Variants in HBS1L observed in about 807,000 individuals in gnomAD.
HBS1L encodes the protein HBS1-like protein.
Under a neutral mutation model 88.9 loss-of-function variants are expected in HBS1L, and 55 were observed. That is an observed-to-expected ratio of 0.62 (90% CI 0.50 to 0.77). HBS1L has a LOEUF of 0.77. Among genes scored for constraint, HBS1L ranks in the 30% least tolerant of loss-of-function variants. The probability of loss-of-function intolerance (pLI) is 0.00; values close to 1 mark genes in which losing one functional copy is unlikely to be tolerated. For synonymous variants in HBS1L, 267 were observed against 288.5 expected (o/e 0.93, Z 0.76); for missense variants, 741 against 829.3 (o/e 0.89, Z 1.31).
chr6:135,033,977 G>A (rs534978183), intron 4 of HBS1L, among the ~76,000 whole-genome samples: 2 of 152,226 alleles, frequency 1.3e-5, no homozygotes, highest in South Asian at 4.2e-4. Context: ...CAAGGTTCAA[G>A]ACCAGAAAAA....
chr6:135,052,396 G>A (rs9373122), intron 1 of HBS1L, among the ~76,000 whole-genome samples: 76,334 of 151,590 alleles, frequency 0.5, 19,297 homozygotes, highest in South Asian at 0.56. Context: ...CAACACAGCC[G>A]GATGCTGTCT....
intron 4 of HBS1L, among the ~76,000 whole-genome samples, chr6:135,033,738 T>A (rs1275559788): frequency 6.6e-6 from 1 of 152,210 alleles, no homozygotes; most frequent in Non-Finnish European, 1.5e-5. Context: ...AATTACTTTG[T>A]TATAAAAGAA....
intron 12 of HBS1L, 35 bp from the exon 13 acceptor site, chr6:134,982,597 G>A: frequency 8.1e-7 from 1 of 1,227,190 alleles, no homozygotes; most frequent in Non-Finnish European, 1.2e-6. Context: ...GGTTCATACA[G>A]CAATGTTATC....
intron 15 of HBS1L, among the ~76,000 whole-genome samples, chr6:134,972,125 A>T (rs527814908): frequency 1.3e-3 from 203 of 152,256 alleles, no homozygotes; most frequent in African/African-American, 4.6e-3. Flanking sequence ...GAATTCTAAA[A>T]CCATTGCTCT....
At chr6:135,009,077 T>A (rs990721738) in intron 4 of HBS1L, among the ~76,000 whole-genome samples, 4 of 152,170 alleles carry the variant, frequency 2.6e-5, no homozygotes, top group African/African-American at 9.7e-5. Context: ...AACATGGCAC[T>A]CTCATATGCT....
chr6:135,001,482 CCT>C (rs71724938), intron 5 of HBS1L, among the ~76,000 whole-genome samples: 6,395 of 151,024 alleles, frequency 0.042, 190 homozygotes, highest in African/African-American at 0.08. Flanking sequence ...TTATTTCCCC[CCT>C]CTCTCTCTCT....
intron 13 of HBS1L, among the ~76,000 whole-genome samples, chr6:134,982,001 C>T (rs536041703): frequency 6.6e-6 from 1 of 151,996 alleles, no homozygotes; most frequent in Non-Finnish European, 1.5e-5. Flanking sequence ...AATATACCTA[C>T]ATTTTTGGCA....
intron 4 of HBS1L, among the ~76,000 whole-genome samples, chr6:135,027,360 A>G (rs1247861024): frequency 6.6e-6 from 1 of 152,092 alleles, no homozygotes; most frequent in Non-Finnish European, 1.5e-5. Flanking sequence ...ACACTCTGAT[A>G]AACAGTATAA....
chr6:135,009,239 A>AAT (rs1454628286), intron 4 of HBS1L, among the ~76,000 whole-genome samples: 4 of 152,214 alleles, frequency 2.6e-5, no homozygotes, highest in Admixed American at 6.5e-5. Context: ...GCTAAATTAA[A>AAT]ATATATATAT....
chr6:134,996,414 T>C (rs1775289957), intron 7 of HBS1L, among the ~76,000 whole-genome samples: 1 of 152,192 alleles, frequency 6.6e-6, no homozygotes, highest in South Asian at 2.1e-4. Flanking sequence ...TGACATGAAA[T>C]TAAAAGTCTT....
intron 8 of HBS1L, among the ~76,000 whole-genome samples, chr6:134,992,939 C>T (rs1287754582): frequency 2.0e-5 from 3 of 152,138 alleles, no homozygotes; most frequent in African/African-American, 7.2e-5. Flanking sequence ...ATGGTAAGTG[C>T]CCTATACAGG....
chr6:135,014,878 C>G (rs937519840), intron 4 of HBS1L, among the ~76,000 whole-genome samples: 1 of 130,566 alleles, frequency 7.7e-6, no homozygotes, highest in Admixed American at 7.6e-5. Context: ...AAAAAAACCA[C>G]AAAAAAATTA....
At position 134,965,151 on chromosome 6, in the gene HBS1L, CTTTAA is replaced by C. The variant is rs990937384; in HGVS notation, c.*123_*127del. ...AATACTTCTTTGCAGCTAATTTTAGCTTTAATTTTTCTCTCTCATCTAAAAACATA... is the reference window on the plus strand; with the variant it reads ...AATACTTCTTTGCAGCTAATTTTAGCTTTTTCTCTCTCATCTAAAAACATA... On this transcript the variant is annotated 3_prime_UTR_variant, in exon 18 of 18. Transcript: ENST00000367837. 5 of 822,370 alleles carry C rather than the reference CTTTAA, an allele frequency of 6.1e-6. No homozygotes were observed. In the African/African-American group the frequency reaches 6.9e-5, roughly 11 times the overall value. 50.9% of individuals were successfully genotyped at this position (822,370 alleles called of 1,614,324 possible).
At chr6:134,975,291 T>C (rs1242492680) in intron 15 of HBS1L, among the ~76,000 whole-genome samples, 4 of 152,158 alleles carry the variant, frequency 2.6e-5, no homozygotes, top group Non-Finnish European at 5.9e-5. Context: ...ATACATCCCA[T>C]GCTCATGAAT....
chr6:135,021,275 T>C (rs1776063260), intron 4 of HBS1L, among the ~76,000 whole-genome samples: 1 of 152,076 alleles, frequency 6.6e-6, no homozygotes, highest in Non-Finnish European at 1.5e-5. Context: ...GCTACATAAT[T>C]CTAGATTCCA....
intron 15 of HBS1L, among the ~76,000 whole-genome samples, chr6:134,971,496 T>A (rs552482317): frequency 1.2e-4 from 18 of 152,282 alleles, no homozygotes; most frequent in African/African-American, 3.6e-4. Flanking sequence ...CTACCCTTGG[T>A]GAGCTATGTG....
chr6:134,992,941 C>T (rs1044524251), intron 8 of HBS1L, among the ~76,000 whole-genome samples: 1 of 152,136 alleles, frequency 6.6e-6, no homozygotes, highest in African/African-American at 2.4e-5. Flanking sequence ...GGTAAGTGCC[C>T]TATACAGGTG....
intron 4 of HBS1L, chr6:135,036,706 T>C (rs775734525): frequency 2.1e-5 from 32 of 1,551,380 alleles, no homozygotes; most frequent in South Asian, 2.4e-5. Flanking sequence ...AAAAGTCTTA[T>C]AGAGGTCAAG....
chr6:134,972,867 C>T (rs1227654736), intron 15 of HBS1L, among the ~76,000 whole-genome samples: 2 of 152,208 alleles, frequency 1.3e-5, no homozygotes, highest in Non-Finnish European at 2.9e-5. Context: ...TGAGACACCA[C>T]TTAACAACTA....
Sources: gnomAD v4.1 joint callset for allele counts (sites outside exome capture counted in the v4.1 genomes callset) on GRCh38, gnomAD v4.1.1 for gene constraint, MANE v1.5 for transcripts, NCBI Gene and HGNC (gene_info 2026-07-23, HGNC 2026-07-21) for gene names.